The following VGLL4 variants were observed in gnomAD, a reference collection of about 807,000 sequenced individuals.
VGLL4 encodes transcription cofactor vestigial-like protein 4.
A neutral mutation model predicts 21.0 loss-of-function variants in VGLL4; 7 were observed. The observed-to-expected ratio is 0.33, with a 90% confidence interval of 0.19 to 0.63. The LOEUF is 0.63. VGLL4 is among the 20% of genes least tolerant of loss of function. The pLI is 0.78. For synonymous variants in VGLL4, 222 were observed against 173.2 expected, an observed-to-expected ratio of 1.28 and a Z score of -2.21; for missense variants, 394 against 425.7, an observed-to-expected ratio of 0.93 and a Z score of 0.66.
chr3:11,584,821 GC>G (rs2074324801), intron 2 of VGLL4, among the ~76,000 whole-genome samples: 1 of 147,198 alleles, frequency 6.8e-6, no homozygotes, highest in Non-Finnish European at 1.5e-5. Flanking sequence ...AAATGAGGTG[GC>G]CCCAGGGATC....
chr3:11,557,620 A>ATATC lies in VGLL4; in HGVS notation c.*932_*935dup, dbSNP rs1559846591. 3 of 152,804 alleles carry ATATC rather than the reference A, an allele frequency of 2.0e-5. No homozygotes were observed. The highest frequency in any genetic ancestry group is 6.5e-5 in the Admixed American group (1 of 15,292). 9.5% of individuals were successfully genotyped at this position (152,804 alleles called of 1,614,324 possible). A position where few individuals can be genotyped will look rare whatever the true frequency, so the allele number is the denominator to read the frequency against. Reference sequence around the variant, plus strand: ...GAGTACAACTGTACCAGCAGTAAGTATATCTAGGACTGTAACTGACAAAAA... The same window carrying ATATC: ...GAGTACAACTGTACCAGCAGTAAGTATATCTATCTAGGACTGTAACTGACAAAAA... On this transcript the variant is annotated 3_prime_UTR_variant, in exon 5 of 5. Coordinates refer to ENST00000430365, the MANE Select transcript of VGLL4 (RefSeq NM_001128219.3).
At chr3:11,573,235 A>G (rs13322030) in intron 2 of VGLL4, among the ~76,000 whole-genome samples, 82 of 119,216 alleles carry the variant, frequency 6.9e-4, no homozygotes, top group African/African-American at 3.3e-3. Context: ...AGACAGAAAG[A>G]AAAGAAATAG....
At chr3:11,717,127 CTG>C (rs1282753775) in intron 1 of VGLL4, among the ~76,000 whole-genome samples, 1 of 151,476 alleles carries the variant, frequency 6.6e-6, no homozygotes, top group Non-Finnish European at 1.5e-5. Flanking sequence ...CTGTAAACAA[CTG>C]TGCTTTTTGC....
At chr3:11,585,075 A>T (rs12485967) in intron 2 of VGLL4, among the ~76,000 whole-genome samples, 144 of 152,326 alleles carry the variant, frequency 9.5e-4, no homozygotes, top group Non-Finnish European at 1.2e-3. Flanking sequence ...ATTATACATC[A>T]AATATGCTGC....
intron 2 of VGLL4, among the ~76,000 whole-genome samples, chr3:11,701,364 C>T (rs1422099155): frequency 2.1e-5 from 1 of 47,768 alleles, no homozygotes; most frequent in Non-Finnish European, 6.8e-5. Context: ...GCCAAGCAGA[C>T]ACTCATGCCA....
chr3:11,626,497 G>A (rs2075354525), intron 1 of VGLL4: 1 of 448,964 alleles, frequency 2.2e-6, no homozygotes, highest in Admixed American at 2.4e-5. Context: ...ATCTGGCAGA[G>A]CTGGAGATTT....
intron 2 of VGLL4, among the ~76,000 whole-genome samples, chr3:11,566,458 T>C (rs2125139468): frequency 6.6e-6 from 1 of 152,340 alleles, no homozygotes; most frequent in East Asian, 1.9e-4. Flanking sequence ...GCAATCTCTT[T>C]ATAAGGCAAA....
chr3:11,681,120 C>A (rs1381738430), intron 2 of VGLL4, among the ~76,000 whole-genome samples: 3 of 152,156 alleles, frequency 2.0e-5, no homozygotes, highest in Non-Finnish European at 4.4e-5. Context: ...TGTTTTGAGA[C>A]GGAGTCTCGC....
At chr3:11,692,066 A>G (rs61498779) in intron 2 of VGLL4, among the ~76,000 whole-genome samples, 8,513 of 152,164 alleles carry the variant, frequency 0.056, 280 homozygotes, top group Middle Eastern at 0.095. Flanking sequence ...GACATTAACC[A>G]TCCACAACAC....
intron 2 of VGLL4, among the ~76,000 whole-genome samples, chr3:11,665,123 T>C (rs2076099923): frequency 7.4e-6 from 1 of 135,198 alleles, no homozygotes; most frequent in Non-Finnish European, 1.6e-5. Context: ...TTTTTTTTTT[T>C]TTTTTTTTGA....
In VGLL4 at chr3:11,558,704, G is replaced by A; in HGVS notation, c.743C>T (p.Ala248Val). The change falls in exon 5 of 5, where the codon GCC (alanine) becomes GTC (valine). Residue 248 changes from alanine to valine, a missense_variant. Ala to Val is a moderately conservative substitution (Grantham distance 64, BLOSUM62 0). Coordinates refer to ENST00000430365, the MANE Select transcript of VGLL4 (RefSeq NM_001128219.3). ...GAGCCACGTGTCACCCAGAGCTTTG[G>A]CAAAGTGGTCGTCCACGGAGCCCGT... ...SITGSVDDHF[A>V]KALGDTWLQI... 1.2e-6 allele frequency: 2 copies of A among 1,614,040 alleles called. No homozygotes were observed. Among genetic ancestry groups the A allele is most frequent in the African/African-American group, 1.3e-5 (1 of 75,036 alleles).
At chr3:11,563,257 G>A (rs2073187723) in intron 3 of VGLL4, among the ~76,000 whole-genome samples, 1 of 152,294 alleles carries the variant, frequency 6.6e-6, no homozygotes, top group Non-Finnish European at 1.5e-5. Context: ...CCATACCCGT[G>A]TCCTTCAGGG....
chr3:11,562,003 G>A (rs528158174), intron 3 of VGLL4, among the ~76,000 whole-genome samples: 22 of 150,278 alleles, frequency 1.5e-4, no homozygotes, highest in African/African-American at 5.1e-4. Flanking sequence ...GGGTTCAAGC[G>A]ATTCTCCTGT....
At chr3:11,669,744 A>C (rs546256252) in intron 2 of VGLL4, among the ~76,000 whole-genome samples, 15 of 152,162 alleles carry the variant, frequency 9.9e-5, no homozygotes, top group African/African-American at 3.6e-4. Flanking sequence ...CAATGGTGTG[A>C]TCACAGCTCA....
intron 2 of VGLL4, among the ~76,000 whole-genome samples, chr3:11,669,149 A>T (rs1223311529): frequency 6.6e-6 from 1 of 152,262 alleles, no homozygotes; most frequent in Non-Finnish European, 1.5e-5. Flanking sequence ...TAGAATAAAT[A>T]GCATTTAATT....
At chr3:11,702,927 T>A (rs867781248) in intron 2 of VGLL4, 1 of 1,556,398 alleles carries the variant, frequency 6.4e-7, no homozygotes, top group Non-Finnish European at 8.7e-7. Context: ...AGACAAGGGA[T>A]CATTAAAGCA....
chr3:11,639,482 A>G (rs1160771702), intron 1 of VGLL4, among the ~76,000 whole-genome samples: 1 of 152,244 alleles, frequency 6.6e-6, no homozygotes, highest in Non-Finnish European at 1.5e-5. Context: ...GAGAGGCTCC[A>G]CTGTGTGCTG....
chr3:11,623,745 TTTTC>T (rs911426295), intron 1 of VGLL4, among the ~76,000 whole-genome samples: 1 of 123,586 alleles, frequency 8.1e-6, no homozygotes, highest in African/African-American at 4.1e-5. Context: ...TCTGTGAAAA[TTTTC>T]TTTTTTTTTT....
At chr3:11,622,674 C>A (rs147772008) in intron 1 of VGLL4, among the ~76,000 whole-genome samples, 2 of 152,240 alleles carry the variant, frequency 1.3e-5, no homozygotes, top group Non-Finnish European at 2.9e-5. Context: ...TGGTTTGCAG[C>A]CACTGACATT....
Sources: allele counts gnomAD v4.1 joint callset (sites outside exome capture counted in the v4.1 genomes callset), GRCh38; gene constraint gnomAD v4.1.1; transcripts MANE v1.5; gene names NCBI Gene and HGNC (gene_info 2026-07-23, HGNC 2026-07-21).